The following PRKCZ variants were observed in gnomAD, a reference collection of about 807,000 sequenced individuals.
The protein encoded by PRKCZ is protein kinase C zeta, also known as protein kinase C zeta type.
A neutral mutation model predicts 79.5 loss-of-function variants in PRKCZ; 33 were observed. That is an observed-to-expected ratio of 0.41 (90% CI 0.31 to 0.55). PRKCZ has a LOEUF of 0.55. Ranked by LOEUF, PRKCZ falls within the 20% of genes least tolerant of loss-of-function variation. The pLI, the probability that PRKCZ is intolerant of heterozygous loss-of-function variation, is 0.19. For synonymous variants in PRKCZ, 342 were observed against 320.9 expected, an observed-to-expected ratio of 1.07 and a Z score of -0.70; for missense variants, 578 against 813.5, an observed-to-expected ratio of 0.71 and a Z score of 3.52.
intron 4 of PRKCZ, among the ~76,000 whole-genome samples, chr1:2,086,828 C>T (rs1664613964): frequency 6.6e-6 from 1 of 152,198 alleles, no homozygotes; most frequent in Non-Finnish European, 1.5e-5. Flanking sequence ...GCTCTGCCTT[C>T]GAATGCGGAT....
At position 2,125,672 on chromosome 1, in the gene PRKCZ, C is replaced by T. The variant is rs1673729497; in HGVS notation, c.335-9590C>T. Among the ~76,000 whole-genome samples the T allele has an allele frequency of 6.6e-6, 1 of 152,220 alleles. No individual in the cohort carries two copies. Among genetic ancestry groups the T allele is most frequent in the Non-Finnish European group, 1.5e-5 (1 of 68,028 alleles). ...TGTGGTGCCTCCCGCTTTCCATCCGCATTCCATGGCAGGTGAGTCTGATTA... is the reference window on the plus strand; with the variant it reads ...TGTGGTGCCTCCCGCTTTCCATCCGTATTCCATGGCAGGTGAGTCTGATTA... On this transcript the variant is annotated intron_variant, in intron 4 of 17. Transcript: ENST00000378567. This position sits in a 1 kb window ranked among gnomAD's most constrained non-coding sequence, Gnocchi z 4.2.
rs376802059 is a variant in PRKCZ, at chr1:2,164,285, C to T, written c.975-5233C>T. Among the ~76,000 whole-genome samples the T allele has an allele frequency of 4.6e-5, 7 of 152,296 alleles. No individual in the cohort carries two copies. The East Asian group carries it at 9.6e-4, about 21-fold the overall frequency. On this transcript the variant is annotated intron_variant, in intron 10 of 17. Coordinates refer to ENST00000378567, the MANE Select transcript of PRKCZ (RefSeq NM_002744.6). ...CACAACCTGCTGGGAGGCCAGGGAG[C>T]GTAAAGAGAGACAGGGACCCTTTAT...
At chr1:2,144,680 A>C in intron 6 of PRKCZ, 1 of 1,072,186 alleles carries the variant, frequency 9.3e-7, no homozygotes, top group African/African-American at 1.7e-5. Context: ...GGTGAAAGCC[A>C]GGTCTGACCT....
At chr1:2,099,910 T>C (rs1667168964) in intron 4 of PRKCZ, among the ~76,000 whole-genome samples, 1 of 152,198 alleles carries the variant, frequency 6.6e-6, no homozygotes, top group Non-Finnish European at 1.5e-5. Flanking sequence ...AACTGATGCC[T>C]CTGTGGGAAA....
intron 1 of PRKCZ, among the ~76,000 whole-genome samples, chr1:2,055,133 G>A (rs1343460198): frequency 6.6e-6 from 1 of 151,896 alleles, no homozygotes; most frequent in South Asian, 2.1e-4. Flanking sequence ...TAGTAGAGAC[G>A]GGGTTTCACC....
intron 5 of PRKCZ, among the ~76,000 whole-genome samples, chr1:2,139,795 C>G (rs577956590): frequency 6.6e-6 from 1 of 152,194 alleles, no homozygotes; most frequent in Non-Finnish European, 1.5e-5. Flanking sequence ...GGAAGATCAG[C>G]TCAGCATTAT....
rs750448803 is a variant in PRKCZ, at chr1:2,174,549, G to A, written c.1406-205G>A. Among the ~76,000 whole-genome samples, 4 of 152,362 alleles carry A rather than the reference G, an allele frequency of 2.6e-5. No individual in the cohort carries two copies. Among genetic ancestry groups the A allele is most frequent in the Non-Finnish European group, 4.4e-5 (3 of 68,030 alleles). ...GCTGCTGGTTCACGTCCGATCCTAC[G>A]ACACGTGCCAGCGCATGTAACCAGG... On this transcript the variant is annotated intron_variant, in intron 14 of 17. Coordinates refer to ENST00000378567, the MANE Select transcript of PRKCZ (RefSeq NM_002744.6). This position sits in a 1 kb window ranked among gnomAD's most constrained non-coding sequence, Gnocchi z 6.2.
intron 4 of PRKCZ, among the ~76,000 whole-genome samples, chr1:2,069,235 C>T (rs1313942427): frequency 6.6e-6 from 1 of 152,190 alleles, no homozygotes; most frequent in East Asian, 1.9e-4. Context: ...AGCCTTTGGC[C>T]TCTCCGGACC....
chr1:2,053,983 G>C (rs938669134), intron 1 of PRKCZ, among the ~76,000 whole-genome samples: 2 of 152,168 alleles, frequency 1.3e-5, no homozygotes, highest in Non-Finnish European at 2.9e-5. Flanking sequence ...TGGGGCGTCT[G>C]TCCCCCAGGC....
At chr1:2,079,598 A>G (rs1050084613) in intron 4 of PRKCZ, among the ~76,000 whole-genome samples, 1 of 152,202 alleles carries the variant, frequency 6.6e-6, no homozygotes, top group Non-Finnish European at 1.5e-5. Context: ...TTGGCTCCCA[A>G]GGCTATCATG....
intron 4 of PRKCZ, chr1:2,073,980 C>T (rs1661908982): frequency 2.1e-6 from 3 of 1,396,778 alleles, no homozygotes; most frequent in Middle Eastern, 2.7e-4. Flanking sequence ...CGGGGCCGGG[C>T]CAGCCGTGCT....
In PRKCZ at chr1:2,148,904, A is replaced by G; in HGVS notation, c.667A>G (p.Ser223Gly). ...AYISSSRKHD[S>G]IKDDSEDLKP... ...CATTTCCTCATCCCGGAAGCATGAC[A>G]GCATTAAAGACGACTCGGAGGTGAG... Residue 223 changes from serine (S) to glycine (G), a missense_variant, in exon 8 of 18, where the codon AGC becomes GGC. By Grantham distance (56) the Ser-to-Gly change is moderately conservative. Around this residue, in one of 4 missense-constraint regions of PRKCZ, gnomAD observed 91 missense variants for 97.5 expected, o/e 0.93. Coordinates refer to ENST00000378567, the MANE Select transcript of PRKCZ (RefSeq NM_002744.6). 1.2e-6 allele frequency: 2 copies of G among 1,613,958 alleles called. No homozygotes were observed. The highest frequency in any genetic ancestry group is 3.3e-5 in the Admixed American group (2 of 60,014).
intron 16 of PRKCZ, 47 bp from the exon 17 acceptor site, chr1:2,184,536 G>T: frequency 6.9e-7 from 1 of 1,448,880 alleles, no homozygotes; most frequent in Non-Finnish European, 9.6e-7. Context: ...AATCTGGTAG[G>T]GATGATGCCC....
chr1:2,137,187 A>G (rs1259160288), intron 5 of PRKCZ, among the ~76,000 whole-genome samples: 1 of 152,202 alleles, frequency 6.6e-6, no homozygotes. Context: ...CTGATGTCCC[A>G]GGGTAGGACG....
At chr1:2,108,969 C>G (rs571677456) in intron 4 of PRKCZ, among the ~76,000 whole-genome samples, 1 of 152,178 alleles carries the variant, frequency 6.6e-6, no homozygotes, top group Admixed American at 6.5e-5. Context: ...GCCGCCTGCC[C>G]CTTGGTGCAG....
At chr1:2,119,066 T>TC (rs1292517365) in intron 4 of PRKCZ, among the ~76,000 whole-genome samples, 2 of 149,352 alleles carry the variant, frequency 1.3e-5, no homozygotes, top group African/African-American at 5.0e-5. Flanking sequence ...TTCCTCCCTT[T>TC]ATTATTATAG....
At chr1:2,147,021 G>GCCATCCTCCACCCAC (rs1678692660) in intron 7 of PRKCZ, among the ~76,000 whole-genome samples, 1 of 151,884 alleles carries the variant, frequency 6.6e-6, no homozygotes, top group Non-Finnish European at 1.5e-5. Flanking sequence ...CAGCCAGCCA[G>GCCATCCTCCACCCAC]CCATCCTCCA....
In PRKCZ at chr1:2,149,888, G is replaced by T. The variant is rs951423094; in HGVS notation, c.688-902G>T. ...AAAAAGCAGAATCCGGCTGGGCGCG[G>T]TGGCTCACGCCTGTAATCCCAGCAC... On this transcript the variant is annotated intron_variant, in intron 8 of 17. Transcript: ENST00000378567. The surrounding 1 kb of genome is among the most constrained non-coding windows in gnomAD (Gnocchi z 4.1). Among the ~76,000 whole-genome samples the T allele has an allele frequency of 6.6e-6, 1 of 151,324 alleles. No individual in the cohort carries two copies. The highest frequency in any genetic ancestry group is 1.5e-5 in the Non-Finnish European group (1 of 67,926).
At chr1:2,137,660 A>G (rs1267881802) in intron 5 of PRKCZ, among the ~76,000 whole-genome samples, 34 of 152,160 alleles carry the variant, frequency 2.2e-4, no homozygotes, top group Non-Finnish European at 8.8e-5. Flanking sequence ...ACCCAGTGAC[A>G]TGGGCCAGGG....
Sources: allele counts gnomAD v4.1 joint callset (sites outside exome capture counted in the v4.1 genomes callset), GRCh38; gene constraint gnomAD v4.1.1; regional missense constraint gnomAD v4.1.1; non-coding constraint Gnocchi (gnomAD v3.1); transcripts MANE v1.5; gene names NCBI Gene and HGNC (gene_info 2026-07-23, HGNC 2026-07-21).